The following DMD variants were observed in gnomAD, a reference collection of about 807,000 sequenced individuals.
The protein encoded by DMD is mutant dystrophin.
DMD carries 63 observed loss-of-function variants against 330.1 expected under a neutral mutation model. That is an observed-to-expected ratio of 0.19 (90% CI 0.16 to 0.24). The LOEUF (loss-of-function observed/expected upper bound fraction) is 0.24. DMD is among the 10% of genes least tolerant of loss of function. The pLI, the probability that DMD is intolerant of heterozygous loss-of-function variation, is 1.00. For synonymous variants in DMD, 1,223 were observed against 959.8 expected, an observed-to-expected ratio of 1.27 and a Z score of -5.07; for missense variants, 3,344 against 2,684.1, an observed-to-expected ratio of 1.25 and a Z score of -5.43.
At chrX:31,250,214 T>C (rs1008972602) in intron 63 of DMD, among the ~76,000 whole-genome samples, 6 of 111,929 alleles carry the variant, frequency 5.4e-5, no homozygotes, top group African/African-American at 1.6e-4. Flanking sequence ...AGCAAACCTG[T>C]ATTTTAAACT....
chrX:31,972,574 A>G (rs2095407618), intron 44 of DMD, among the ~76,000 whole-genome samples: 1 of 111,413 alleles, frequency 9.0e-6, no homozygotes, highest in South Asian at 3.7e-4. Context: ...AAAAAATCAC[A>G]AACTAGGGAG....
At chrX:32,635,338 G>A (rs752358762) in intron 11 of DMD, among the ~76,000 whole-genome samples, 2 of 111,183 alleles carry the variant, frequency 1.8e-5, no homozygotes, top group East Asian at 5.7e-4. Flanking sequence ...TCACTCTTAT[G>A]AAGGTGCTTT....
chrX:32,846,550 T>C (rs1186903510), intron 3 of DMD, among the ~76,000 whole-genome samples: 1 of 110,035 alleles, frequency 9.1e-6, no homozygotes, highest in Admixed American at 9.8e-5. Context: ...TATAACACAG[T>C]ATTGACATCT....
rs1235761859 is a variant in DMD, at chrX:31,219,654, G to A, written c.9361+3393C>T. ...TCTGGATTACCTGCCCGTATTCTCT[G>A]AGAACACCCATTATTTATCATCTCC... On this transcript the variant is annotated intron_variant, in intron 64 of 78. Coordinates refer to ENST00000357033, the MANE Select transcript of DMD (RefSeq NM_004006.3). Among the ~76,000 whole-genome samples, 4 of 110,010 alleles carry A rather than the reference G, an allele frequency of 3.6e-5. No homozygotes were observed. In the Admixed American group the frequency reaches 3.9e-4, roughly 11 times the overall value.
At chrX:32,545,548 G>A (rs746356273) in intron 16 of DMD, among the ~76,000 whole-genome samples, 11 of 111,732 alleles carry the variant, frequency 9.8e-5, no homozygotes, top group African/African-American at 3.6e-4. Flanking sequence ...TCTCAACATC[G>A]AAAGTCAATT....
chrX:32,364,542 T>C (rs201746224), intron 36 of DMD, 40 bp downstream of exon 36: 73 of 1,194,153 alleles, frequency 6.1e-5, no homozygotes, highest in Non-Finnish European at 6.1e-5. Context: ...AAGTAACTGG[T>C]GTACAATTTG....
rs185606839 is a variant in DMD, at chrX:33,102,158, T to C, written c.32-81958A>G. Among the ~76,000 whole-genome samples, 389 of 111,962 alleles carry C rather than the reference T, an allele frequency of 3.5e-3. 1 individual carries two copies. Among genetic ancestry groups the C allele is most frequent in the African/African-American group, 0.011 (353 of 30,960 alleles). On this transcript the variant is annotated intron_variant, in intron 1 of 78. Transcript: ENST00000357033. ...ATTTCAGGTTTGTTGTTTGCCACAA[T>C]AGACATTCTTCTCTTTGAAATAAAA...
chrX:32,415,192 T>C (rs2098161593), intron 29 of DMD, among the ~76,000 whole-genome samples: 1 of 112,289 alleles, frequency 8.9e-6, no homozygotes, highest in South Asian at 3.6e-4. Flanking sequence ...TTGTATAGGA[T>C]GTAATATAGA....
intron 60 of DMD, among the ~76,000 whole-genome samples, chrX:31,413,812 T>C (rs867007542): frequency 4.7e-5 from 5 of 107,413 alleles, no homozygotes; most frequent in Non-Finnish European, 7.6e-5. Flanking sequence ...GAAATTCAGA[T>C]ACACTGCTGC....
intron 74 of DMD, among the ~76,000 whole-genome samples, chrX:31,165,937 T>C (rs1314784207): frequency 1.8e-5 from 2 of 111,670 alleles, no homozygotes; most frequent in Non-Finnish European, 3.8e-5. Context: ...GTGGGATACA[T>C]ACAGTGCCTG....
intron 49 of DMD, among the ~76,000 whole-genome samples, chrX:31,823,466 A>C (rs2092819374): frequency 8.9e-6 from 1 of 112,034 alleles, no homozygotes; most frequent in Non-Finnish European, 1.9e-5. Context: ...GAGATAAATA[A>C]GTTTCTTTTC....
At chrX:32,785,717 T>A (rs2075296184) in intron 7 of DMD, among the ~76,000 whole-genome samples, 1 of 111,624 alleles carries the variant, frequency 9.0e-6, no homozygotes, top group Admixed American at 9.6e-5. Flanking sequence ...TTTTAACTTT[T>A]TTCGTATTTC....
chrX:31,177,632 G>A (rs999601084), intron 71 of DMD, among the ~76,000 whole-genome samples: 29 of 110,871 alleles, frequency 2.6e-4, no homozygotes, highest in African/African-American at 9.2e-4. Flanking sequence ...CAGGAATACA[G>A]CTAAAACTCC....
At chrX:33,258,535 T>C (rs2052896514) in intron 1 of DMD, among the ~76,000 whole-genome samples, 1 of 111,400 alleles carries the variant, frequency 9.0e-6, no homozygotes, top group Non-Finnish European at 1.9e-5. Flanking sequence ...GTTCTTAGAC[T>C]TTAAAGATTC....
At chrX:32,315,065 C>G (rs879100046) in intron 41 of DMD, among the ~76,000 whole-genome samples, 1 of 111,505 alleles carries the variant, frequency 9.0e-6, no homozygotes, top group Non-Finnish European at 1.9e-5. Flanking sequence ...TATAAATCAT[C>G]CTACTATAAA....
intron 60 of DMD, among the ~76,000 whole-genome samples, chrX:31,366,062 G>A (rs1307386934): frequency 1.8e-5 from 2 of 112,000 alleles, no homozygotes; most frequent in East Asian, 5.6e-4. Context: ...GTTACCGGCA[G>A]GCACTCTGTT....
At chrX:31,650,034 C>T (rs908618807) in intron 54 of DMD, among the ~76,000 whole-genome samples, 1 of 109,592 alleles carries the variant, frequency 9.1e-6, no homozygotes, top group Non-Finnish European at 1.9e-5. Flanking sequence ...TAGCTCACTG[C>T]AGCCTTGAAC....
At chrX:32,319,720 C>T (rs1055355871) in intron 41 of DMD, among the ~76,000 whole-genome samples, 2 of 110,814 alleles carry the variant, frequency 1.8e-5, no homozygotes, top group Non-Finnish European at 3.8e-5. Context: ...TGAATACAAA[C>T]ATAAGCAATT....
chrX:32,229,984 T>G, intron 43 of DMD, among the ~76,000 whole-genome samples: 1 of 108,815 alleles, frequency 9.2e-6, no homozygotes, highest in Middle Eastern at 4.8e-3. Context: ...TTAACACTCC[T>G]TTTGTCCTGC....
Sources: allele counts gnomAD v4.1 joint callset (sites outside exome capture counted in the v4.1 genomes callset), GRCh38; gene constraint gnomAD v4.1.1; transcripts MANE v1.5; gene names NCBI Gene and HGNC (gene_info 2026-07-23, HGNC 2026-07-21).